The following LSM14A variants were observed in gnomAD, a reference collection of about 807,000 sequenced individuals.
LSM14A encodes LSM14A mRNA processing body assembly factor.
LSM14A carries 14 observed loss-of-function variants against 52.4 expected under a neutral mutation model. The ratio of observed to expected loss-of-function variants is 0.27; its 90% CI spans 0.18 to 0.42. The LOEUF is 0.42. Ranked by LOEUF, LSM14A falls within the 10% of genes least tolerant of loss-of-function variation. The pLI, the probability that LSM14A is intolerant of heterozygous loss-of-function variation, is 1.00. For synonymous variants in LSM14A, 185 were observed against 200.3 expected (o/e 0.92, Z 0.64); for missense variants, 417 against 581.8 (o/e 0.72, Z 2.91).
At chr19:34,200,277 A>G (rs1208663336) in intron 3 of LSM14A, among the ~76,000 whole-genome samples, 2 of 152,244 alleles carry the variant, frequency 1.3e-5, no homozygotes, top group African/African-American at 4.8e-5. Flanking sequence ...CAAATGTAAT[A>G]TAGAATCGAA....
intron 1 of LSM14A, among the ~76,000 whole-genome samples, chr19:34,192,632 C>A (rs1340588129): frequency 3.9e-5 from 3 of 76,952 alleles, no homozygotes; most frequent in East Asian, 9.2e-4. Flanking sequence ...ATCAGTTCTG[C>A]AAAAAAAAAA....
At chr19:34,184,638 T>C (rs1412484406) in intron 1 of LSM14A, among the ~76,000 whole-genome samples, 1 of 152,208 alleles carries the variant, frequency 6.6e-6, no homozygotes, top group Non-Finnish European at 1.5e-5. Context: ...AAATACAAGC[T>C]ACCTTTGCTT....
Position 34,196,680 on chromosome 19 carries a change from A to G in LSM14A, c.332A>G (p.Tyr111Cys), listed in dbSNP as rs2070862216. 6.2e-7 allele frequency: 1 copy of G among 1,613,472 alleles called. No individual in the cohort carries two copies. Reference sequence around the variant, plus strand: ...TCTTCATTCCAGTCCATGGGTTCTTATGGACCTTTCGGCAGGATGCCCACA... The same window carrying G: ...TCTTCATTCCAGTCCATGGGTTCTTGTGGACCTTTCGGCAGGATGCCCACA... ...STSSFQSMGS[Y>C]GPFGRMPTYS... The change falls in exon 3 of 10, where the codon TAT becomes TGT. Residue 111 changes from tyrosine to cysteine, a missense_variant. Tyr to Cys is a radical substitution (Grantham distance 194, BLOSUM62 -2). Coordinates refer to ENST00000544216, the MANE Select transcript of LSM14A (RefSeq NM_015578.4).
At chr19:34,217,993 CT>C (rs56321625) in intron 6 of LSM14A, among the ~76,000 whole-genome samples, 25,169 of 108,074 alleles carry the variant, frequency 0.23, 2,592 homozygotes, top group Admixed American at 0.27. Flanking sequence ...TACCCAAAAC[CT>C]TTTTTTTTTT....
rs371581576 is a variant in LSM14A at position 34,219,882 on chromosome 19, A to G, written c.1136+5A>G. The stretch of plus-strand genomic sequence containing the variant: ...TATTTCTTGTGATGACAATAGGTAC[A>G]GTTTTTAAGCTGTTCTTTTATCTTA... On this transcript the variant is annotated splice_donor_5th_base_variant and intron_variant, in intron 8 of 9. Transcript: ENST00000544216. 6.9e-6 allele frequency: 11 copies of G among 1,591,544 alleles called. No homozygotes were observed. Among genetic ancestry groups the G allele is most frequent in the Non-Finnish European group, 8.6e-6 (10 of 1,162,898 alleles).
intron 4 of LSM14A, among the ~76,000 whole-genome samples, chr19:34,214,037 C>T (rs1447634114): frequency 6.6e-6 from 1 of 152,154 alleles, no homozygotes; most frequent in Non-Finnish European, 1.5e-5. Flanking sequence ...CCCATCTCAG[C>T]CTCCCAAATT....
At chr19:34,216,061 A>G (rs1374042076) in intron 6 of LSM14A, among the ~76,000 whole-genome samples, 1 of 152,172 alleles carries the variant, frequency 6.6e-6, no homozygotes, top group Non-Finnish European at 1.5e-5. Flanking sequence ...ACGACTCTGA[A>G]CTAGTTTTTC....
At chr19:34,195,627 C>G (rs1173716759) in intron 2 of LSM14A, among the ~76,000 whole-genome samples, 2 of 152,180 alleles carry the variant, frequency 1.3e-5, no homozygotes, top group Non-Finnish European at 2.9e-5. Context: ...TCATCTACCC[C>G]TACCCTTGTT....
intron 1 of LSM14A, among the ~76,000 whole-genome samples, chr19:34,189,712 A>G (rs969253176): frequency 6.6e-6 from 1 of 152,214 alleles, no homozygotes; most frequent in Non-Finnish European, 1.5e-5. Flanking sequence ...GCCTTCCTGC[A>G]CTAAGAGGAA....
chr19:34,199,333 A>G (rs1307183401), intron 3 of LSM14A, among the ~76,000 whole-genome samples: 2 of 151,734 alleles, frequency 1.3e-5, no homozygotes, highest in Admixed American at 6.6e-5. Context: ...GTTTCCCCAT[A>G]TTTTCCAGGC....
In LSM14A at chr19:34,228,895, T is replaced by A. The variant is rs1276552183; in HGVS notation, c.*1507T>A. ...ACAAGGCAGTGTTTTGTAATTTGGT[T>A]TCATTATGAAGATCCAGTACTTGGC... On this transcript the variant is annotated 3_prime_UTR_variant, in exon 10 of 10. Transcript: ENST00000544216. The A allele has an allele frequency of 6.6e-6, 1 of 152,662 alleles. No individual in the cohort carries two copies. The highest frequency in any genetic ancestry group is 1.5e-5 in the Non-Finnish European group (1 of 68,056). The allele number at this position is 152,662 out of a possible 1,614,324, so 9.5% of individuals were successfully genotyped here. A position where few individuals can be genotyped will look rare whatever the true frequency, so the allele number is the denominator to read the frequency against.
intron 3 of LSM14A, among the ~76,000 whole-genome samples, chr19:34,201,642 A>G (rs1599690866): frequency 6.6e-6 from 1 of 152,064 alleles, no homozygotes; most frequent in South Asian, 2.1e-4. Context: ...TGCCCAGCCA[A>G]ATTTAGCTTT....
chr19:34,196,567 G>A (rs1394790152), intron 2 of LSM14A, 67 bp from the exon 3 acceptor site: 5 of 1,459,616 alleles, frequency 3.4e-6, no homozygotes, highest in Non-Finnish European at 3.6e-6. Flanking sequence ...TAAAAATCTG[G>A]AATTTTTTTT....
rs756660931 is a variant in LSM14A, at chr19:34,209,069, T to C, written c.538+18T>C. On this transcript the variant is annotated intron_variant, in intron 4 of 9. Coordinates refer to ENST00000544216, the MANE Select transcript of LSM14A (RefSeq NM_015578.4). ...ATCTCAAGGTAAGCTATCTCATCCC[T>C]AAAATATTTCCATTCTAAACTTTTA... 7.2e-6 allele frequency: 11 copies of C among 1,538,362 alleles called. No individual in the cohort carries two copies. The highest frequency in any genetic ancestry group is 8.8e-7 in the Non-Finnish European group (1 of 1,138,632).
intron 3 of LSM14A, among the ~76,000 whole-genome samples, chr19:34,203,490 A>G (rs2071450697): frequency 1.3e-5 from 2 of 152,060 alleles, no homozygotes; most frequent in Non-Finnish European, 1.5e-5. Flanking sequence ...ACCATTATGG[A>G]TGTTAAACTA....
intron 3 of LSM14A, 64 bp from the exon 4 acceptor site, chr19:34,208,865 A>C: frequency 1.8e-6 from 2 of 1,140,254 alleles, no homozygotes; most frequent in Non-Finnish European, 2.5e-6. Context: ...GCATTACTTT[A>C]TATCATTGAA....
At chr19:34,196,532 T>C (rs746003901) in intron 2 of LSM14A, 102 bp from the exon 3 acceptor site, 51 of 1,148,946 alleles carry the variant, frequency 4.4e-5, no homozygotes, top group Non-Finnish European at 5.9e-5. Flanking sequence ...ATCTAGTAGT[T>C]ATAATTTAAT....
intron 3 of LSM14A, among the ~76,000 whole-genome samples, chr19:34,202,177 GT>G (rs1404734990): frequency 1.3e-5 from 1 of 77,076 alleles, no homozygotes; most frequent in Non-Finnish European, 2.8e-5. Flanking sequence ...TTTTTGTTTT[GT>G]TTTGTTTTGT....
chr19:34,206,483 A>G (rs1159313051), intron 3 of LSM14A, among the ~76,000 whole-genome samples: 1 of 151,790 alleles, frequency 6.6e-6, no homozygotes, highest in Non-Finnish European at 1.5e-5. Context: ...CCCAGCCAAC[A>G]TGGTGAAACC....
Sources: allele counts gnomAD v4.1 joint callset (sites outside exome capture counted in the v4.1 genomes callset), GRCh38; gene constraint gnomAD v4.1.1; transcripts MANE v1.5; gene names NCBI Gene and HGNC (gene_info 2026-07-23, HGNC 2026-07-21).